SORCS2: variants seen among roughly 807,000 people sequenced by gnomAD.
SORCS2 encodes sortilin related VPS10 domain containing receptor 2.
Under a neutral mutation model 141.6 loss-of-function variants are expected in SORCS2, and 100 were observed. The ratio of observed to expected loss-of-function variants is 0.71; its 90% CI spans 0.60 to 0.83. SORCS2 has a LOEUF of 0.83. Ranked by LOEUF, SORCS2 falls within the 40% of genes least tolerant of loss-of-function variation. The pLI, the probability that SORCS2 is intolerant of heterozygous loss-of-function variation, is 0.00. For missense variants in SORCS2, 1,646 were observed against 1,560.2 expected, an observed-to-expected ratio of 1.05 and a Z score of -0.93; for synonymous variants, 789 against 676.9, an observed-to-expected ratio of 1.17 and a Z score of -2.57.
At chr4:7,631,126 T>A (rs1719864136) in intron 3 of SORCS2, among the ~76,000 whole-genome samples, 1 of 149,720 alleles carries the variant, frequency 6.7e-6, no homozygotes, top group African/African-American at 2.5e-5. Flanking sequence ...ACTGGGACAT[T>A]GGCACCACCT....
At chr4:7,328,781 G>A (rs945224419) in intron 1 of SORCS2, among the ~76,000 whole-genome samples, 2 of 152,166 alleles carry the variant, frequency 1.3e-5, no homozygotes, top group African/African-American at 2.4e-5. Context: ...CTGTGGCCCC[G>A]ACCAGGGGCT....
chr4:7,650,432 G>A (rs927326664), intron 4 of SORCS2, among the ~76,000 whole-genome samples: 5 of 152,304 alleles, frequency 3.3e-5, no homozygotes, highest in Non-Finnish European at 7.4e-5. Context: ...ATCCCTCAAA[G>A]CGGGAGGCCA....
intron 2 of SORCS2, among the ~76,000 whole-genome samples, chr4:7,471,722 CG>C (rs1560312495): frequency 3.9e-5 from 6 of 152,228 alleles, no homozygotes; most frequent in African/African-American, 9.6e-5. Context: ...GAGGGACCCT[CG>C]GTGCTGCTGG....
In SORCS2 at chr4:7,347,207, C is replaced by T. The variant is rs181443569; in HGVS notation, c.481-49081C>T. 3.3e-3 allele frequency among the ~76,000 whole-genome samples: 503 copies of T among 152,266 alleles called. 5 individuals carry two copies. The highest frequency in any genetic ancestry group is 0.011 in the African/African-American group (468 of 41,552). ...TCAAGCCTTTGTGTTTGGGACCACA[C>T]GGGGTCACCTGTCTCAGGTGGGGCA... is the stretch of plus-strand genomic sequence containing the variant. On this transcript the variant is annotated intron_variant, in intron 1 of 26. Transcript: ENST00000507866.
At chr4:7,347,504 C>T (rs888455796) in intron 1 of SORCS2, among the ~76,000 whole-genome samples, 3 of 152,180 alleles carry the variant, frequency 2.0e-5, no homozygotes, top group Non-Finnish European at 2.9e-5. Context: ...TCCCATAGCT[C>T]CTTGCAGACA....
rs535719250 is a variant in SORCS2, at chr4:7,302,007, G to A, written c.481-94281G>A. Among the ~76,000 whole-genome samples the A allele has an allele frequency of 5.3e-5, 8 of 152,352 alleles. No homozygotes were observed. In the East Asian group the frequency reaches 5.8e-4, roughly 11 times the overall value. ...AGTGGCCTCTGTGTCCCACCGGGAC[G>A]CACAGGCAGCATCCCACCTGGTTGG... On this transcript the variant is annotated intron_variant, in intron 1 of 26. Transcript: ENST00000507866.
At chr4:7,622,516 C>T (rs777212055) in intron 3 of SORCS2, among the ~76,000 whole-genome samples, 10 of 152,196 alleles carry the variant, frequency 6.6e-5, no homozygotes, top group South Asian at 6.2e-4. Flanking sequence ...TCTGCTGCTG[C>T]GTCCTGCTTC....
intron 3 of SORCS2, among the ~76,000 whole-genome samples, chr4:7,549,429 G>A (rs992193155): frequency 6.6e-6 from 1 of 151,704 alleles, no homozygotes; most frequent in Admixed American, 6.6e-5. Context: ...TTGGGTGGGG[G>A]ACTGGGGCAG....
At chr4:7,379,564 C>A (rs996306344) in intron 1 of SORCS2, among the ~76,000 whole-genome samples, 1 of 152,200 alleles carries the variant, frequency 6.6e-6, no homozygotes, top group African/African-American at 2.4e-5. Flanking sequence ...TCAGTTCCCC[C>A]ACTAAACACC....
At chr4:7,389,109 G>T (rs183337865) in intron 1 of SORCS2, among the ~76,000 whole-genome samples, 1 of 152,082 alleles carries the variant, frequency 6.6e-6, no homozygotes, top group Admixed American at 6.5e-5. Flanking sequence ...CTTGGAAAGC[G>T]GCTTGTTGGT....
chr4:7,692,149 TCTG>T (rs1724298409), intron 11 of SORCS2, among the ~76,000 whole-genome samples: 1 of 152,190 alleles, frequency 6.6e-6, no homozygotes, highest in South Asian at 2.1e-4. Context: ...GCCCTGAGCA[TCTG>T]CTGGGAGCAG....
intron 3 of SORCS2, among the ~76,000 whole-genome samples, chr4:7,624,199 C>CT (rs369569086): frequency 1.8e-3 from 144 of 78,534 alleles, no homozygotes; most frequent in Admixed American, 5.0e-3. Context: ...GCTGCTATCA[C>CT]TGCAGACCCT....
chr4:7,327,965 C>T (rs958885607), intron 1 of SORCS2, among the ~76,000 whole-genome samples: 11 of 150,596 alleles, frequency 7.3e-5, no homozygotes, highest in African/African-American at 2.4e-4. Flanking sequence ...ACTTCCTTCT[C>T]TTCCTCATCA....
At chr4:7,239,508 C>T (rs761388763) in intron 1 of SORCS2, among the ~76,000 whole-genome samples, 1 of 152,236 alleles carries the variant, frequency 6.6e-6, no homozygotes, top group Non-Finnish European at 1.5e-5. Flanking sequence ...GTCCCAGACC[C>T]TTCCCTGGGT....
intron 1 of SORCS2, among the ~76,000 whole-genome samples, chr4:7,360,571 C>CTTTTTTTTT (rs753548897): frequency 0.059 from 2,909 of 49,214 alleles, 719 homozygotes; most frequent in African/African-American, 0.094. Context: ...CCAGTCCCTT[C>CTTTTTTTTT]TTTTTTTTTT....
Position 7,682,906 on chromosome 4 carries a change from A to C in SORCS2, c.1488+17A>C. The C allele has an allele frequency of 1.9e-6, 3 of 1,608,570 alleles. No homozygotes were observed. Among genetic ancestry groups the C allele is most frequent in the Non-Finnish European group, 2.5e-6 (3 of 1,177,884 alleles). On this transcript the variant is annotated intron_variant, in intron 10 of 26. Coordinates refer to ENST00000507866, the MANE Select transcript of SORCS2 (RefSeq NM_020777.3). ...TGCAAGCCTGTAAGTACCTCTGCTC[A>C]CATCACACACCATCCTTGGCGTGGA...
chr4:7,504,106 G>A lies in SORCS2; in HGVS notation c.549-27424G>A, dbSNP rs541073017. On this transcript the variant is annotated intron_variant, in intron 2 of 26. Coordinates refer to ENST00000507866, the MANE Select transcript of SORCS2 (RefSeq NM_020777.3). ...CACTCACTGCAGCCTGGGTGCCAGG[G>A]GTAGGGCAGGGGCCTCTGTCGCAGC... Among the ~76,000 whole-genome samples the A allele has an allele frequency of 9.2e-5, 14 of 152,306 alleles. No homozygotes were observed. The South Asian group carries it at 2.9e-3, about 32-fold the overall frequency.
chr4:7,433,442 C>T (rs756203005), intron 2 of SORCS2: 17 of 1,537,734 alleles, frequency 1.1e-5, no homozygotes, highest in East Asian at 2.3e-5. Flanking sequence ...GCACACTGGT[C>T]GGTGCCCAGC....
At chr4:7,511,395 C>G (rs1366431341) in intron 2 of SORCS2, among the ~76,000 whole-genome samples, 1 of 124,910 alleles carries the variant, frequency 8.0e-6, no homozygotes, top group African/African-American at 2.8e-5. Context: ...GCCAGAGATC[C>G]CTGCAGAGAG....
Sources: gnomAD v4.1 joint callset for allele counts (sites outside exome capture counted in the v4.1 genomes callset) on GRCh38, gnomAD v4.1.1 for gene constraint, MANE v1.5 for transcripts, NCBI Gene and HGNC (gene_info 2026-07-23, HGNC 2026-07-21) for gene names.